ADGRL2: variants seen among roughly 807,000 people sequenced by gnomAD.
The protein encoded by ADGRL2 is adhesion G protein-coupled receptor L2.
In ADGRL2, 44 loss-of-function variants were observed where a neutral mutation model predicts 157.4. The ratio of observed to expected loss-of-function variants is 0.28; its 90% CI spans 0.22 to 0.36. ADGRL2 has a LOEUF of 0.36. Ranked by LOEUF, ADGRL2 falls within the 10% of genes least tolerant of loss-of-function variation. The pLI is 1.00. For synonymous variants in ADGRL2, 585 were observed against 624.7 expected, an observed-to-expected ratio of 0.94 and a Z score of 0.95; for missense variants, 1,510 against 1,768.9, an observed-to-expected ratio of 0.85 and a Z score of 2.63.
At chr1:81,987,086 C>G (rs2149502526) in intron 22 of ADGRL2, 57 bp downstream of exon 22, 38 of 1,560,048 alleles carry the variant, frequency 2.4e-5, no homozygotes, top group Non-Finnish European at 3.2e-5. Context: ...GAGCTATGAT[C>G]TTTGCCCTGT....
intron 1 of ADGRL2, among the ~76,000 whole-genome samples, chr1:81,804,090 A>G (rs1187993691): frequency 6.6e-6 from 1 of 152,210 alleles, no homozygotes; most frequent in Non-Finnish European, 1.5e-5. Context: ...GCAACATTCC[A>G]ACTTGTGATG....
intron 1 of ADGRL2, among the ~76,000 whole-genome samples, chr1:81,741,852 A>G (rs1262034055): frequency 2.6e-5 from 4 of 151,928 alleles, no homozygotes; most frequent in Non-Finnish European, 5.9e-5. Context: ...TTAAAATTTT[A>G]TCAAAAAATT....
At chr1:81,642,175 G>A (rs1353519339) in intron 3 of ADGRL2, among the ~76,000 whole-genome samples, 2 of 150,348 alleles carry the variant, frequency 1.3e-5, no homozygotes, top group Non-Finnish European at 3.0e-5. Context: ...ATGAACCCAG[G>A]AGGCGGAGCT....
chr1:81,759,947 A>C (rs1179832450), intron 1 of ADGRL2, among the ~76,000 whole-genome samples: 1 of 151,946 alleles, frequency 6.6e-6, no homozygotes, highest in Non-Finnish European at 1.5e-5. Flanking sequence ...TTACTCATGC[A>C]CTCTCTTAGT....
At chr1:81,828,127 G>A (rs867090498) in intron 1 of ADGRL2, among the ~76,000 whole-genome samples, 1 of 152,146 alleles carries the variant, frequency 6.6e-6, no homozygotes. Context: ...AAGTAAAGTT[G>A]TATTGGCACA....
In ADGRL2 at chr1:81,689,690, A is replaced by G. The variant is rs187080833; in HGVS notation, c.-142-72121A>G. Reference sequence around the variant, plus strand: ...GTGGCTGCAGGGGGCTGTGTGGGTGACAGAATGCAGCGATGGAACTTTAGA... The same window carrying G: ...GTGGCTGCAGGGGGCTGTGTGGGTGGCAGAATGCAGCGATGGAACTTTAGA... On this transcript the variant is annotated intron_variant, in intron 3 of 24. Transcript: ENST00000370721. Among the ~76,000 whole-genome samples the G allele has an allele frequency of 6.4e-3, 976 of 152,278 alleles. 15 individuals carry two copies. The highest frequency in any genetic ancestry group is 0.023 in the African/African-American group (938 of 41,542).
intron 1 of ADGRL2, among the ~76,000 whole-genome samples, chr1:81,808,067 G>T (rs2089395348): frequency 6.6e-6 from 1 of 151,882 alleles, no homozygotes; most frequent in South Asian, 2.1e-4. Context: ...TGCAAGTAAA[G>T]TGCAGCTTAT....
At chr1:81,987,955 A>G (rs1038046953) in intron 23 of ADGRL2, 69 bp downstream of exon 23, 5 of 308,150 alleles carry the variant, frequency 1.6e-5, no homozygotes, top group African/African-American at 9.1e-5. Flanking sequence ...AACGGGCACA[A>G]TTAAAACATA....
chr1:81,610,622 A>G (rs2081522539), intron 3 of ADGRL2, among the ~76,000 whole-genome samples: 1 of 152,180 alleles, frequency 6.6e-6, no homozygotes, highest in Admixed American at 6.5e-5. Context: ...GTCTCTGCTG[A>G]GTGAGGAGAA....
chr1:81,581,113 G>C (rs2080897841), intron 3 of ADGRL2: 1 of 152,134 alleles, frequency 6.6e-6, no homozygotes, highest in African/African-American at 2.4e-5. Context: ...AGTGAAAAAT[G>C]CCTTTTTATT....
intron 10 of ADGRL2, among the ~76,000 whole-genome samples, chr1:81,953,482 G>A (rs1652501528): frequency 6.6e-6 from 1 of 152,072 alleles, no homozygotes; most frequent in Non-Finnish European, 1.5e-5. Context: ...AAATTTTTAG[G>A]AGTCATTTCT....
intron 2 of ADGRL2, among the ~76,000 whole-genome samples, chr1:81,464,705 TG>T (rs1314343622): frequency 3.3e-5 from 5 of 152,180 alleles, no homozygotes; most frequent in African/African-American, 1.2e-4. Context: ...TAAGGCATTT[TG>T]TATAGCTCTA....
intron 3 of ADGRL2, among the ~76,000 whole-genome samples, chr1:81,623,654 T>G (rs1274007474): frequency 1.3e-5 from 2 of 149,696 alleles, no homozygotes; most frequent in Non-Finnish European, 3.0e-5. Context: ...TTTTTTTTTT[T>G]GAGACAGAGT....
chr1:81,749,951 T>TAATTG (rs2085434599), intron 1 of ADGRL2, among the ~76,000 whole-genome samples: 1 of 152,156 alleles, frequency 6.6e-6, no homozygotes, highest in Non-Finnish European at 1.5e-5. Flanking sequence ...GAACTGCAGT[T>TAATTG]AATTGGGTTT....
chr1:81,885,429 C>CTAAG (rs2094105813), intron 2 of ADGRL2, among the ~76,000 whole-genome samples: 1 of 152,184 alleles, frequency 6.6e-6, no homozygotes, highest in African/African-American at 2.4e-5. Flanking sequence ...AACACAGCTG[C>CTAAG]TAAGGCCTGC....
intron 1 of ADGRL2, among the ~76,000 whole-genome samples, chr1:81,707,132 C>T (rs1334859054): frequency 6.6e-6 from 1 of 152,130 alleles, no homozygotes; most frequent in Non-Finnish European, 1.5e-5. Flanking sequence ...CAAGCTGTTA[C>T]TTCCCATCCT....
chr1:81,485,505 A>T (rs2078481117), intron 2 of ADGRL2, among the ~76,000 whole-genome samples: 1 of 152,180 alleles, frequency 6.6e-6, no homozygotes, highest in Non-Finnish European at 1.5e-5. Flanking sequence ...TTCTTTGTAT[A>T]TATAAATGGT....
intron 1 of ADGRL2, among the ~76,000 whole-genome samples, chr1:81,415,822 G>A (rs1294963621): frequency 1.3e-5 from 2 of 151,074 alleles, no homozygotes; most frequent in African/African-American, 4.9e-5. Context: ...ATAAACATTT[G>A]AAGAACAGTA....
intron 1 of ADGRL2, among the ~76,000 whole-genome samples, chr1:81,372,734 A>C (rs1304414042): frequency 6.6e-6 from 1 of 152,114 alleles, no homozygotes; most frequent in Non-Finnish European, 1.5e-5. Flanking sequence ...GTTAGAGAGA[A>C]TTTTCCTTTC....
Sources: gnomAD v4.1 joint callset for allele counts (sites outside exome capture counted in the v4.1 genomes callset) on GRCh38, gnomAD v4.1.1 for gene constraint, MANE v1.5 for transcripts, NCBI Gene and HGNC (gene_info 2026-07-23, HGNC 2026-07-21) for gene names.